Variants in EXOC6 observed in about 807,000 individuals in gnomAD.
EXOC6 encodes the protein exocyst complex component 6, also known as SEC15-like 1.
A neutral mutation model predicts 112.5 loss-of-function variants in EXOC6; 60 were observed. The observed-to-expected ratio is 0.53, with a 90% confidence interval of 0.43 to 0.66. EXOC6 has a LOEUF of 0.66. Among genes scored for constraint, EXOC6 ranks in the 30% least tolerant of loss-of-function variants. The pLI is 0.00. For missense variants in EXOC6, 855 were observed against 957.1 expected (o/e 0.89, Z 1.41); for synonymous variants, 295 against 308.0 (o/e 0.96, Z 0.44).
chr10:92,899,759 T>C lies in EXOC6; in HGVS notation c.458+115T>C, dbSNP rs561784257. ...ATGAGTTTTGCTTTCTTCATTACAC[T>C]AACCTTTGTACTTAAAATTTGCGCA... On this transcript the variant is annotated intron_variant, in intron 5 of 21. Coordinates refer to ENST00000260762, the MANE Select transcript of EXOC6 (RefSeq NM_019053.6). The C allele has an allele frequency of 1.2e-4, 86 of 692,022 alleles. No individual in the cohort carries two copies. The African/African-American group carries it at 1.3e-3, about 10-fold the overall frequency. 42.9% of individuals were successfully genotyped at this position (692,022 alleles called of 1,614,324 possible).
intron 20 of EXOC6, among the ~76,000 whole-genome samples, chr10:93,042,151 A>G (rs1389855592): frequency 1.3e-5 from 2 of 152,214 alleles, no homozygotes; most frequent in Admixed American, 6.5e-5. Context: ...TAGCAGCACT[A>G]AAGTACATGG....
Position 92,894,952 on chromosome 10 carries a change from T to G in EXOC6, c.344T>G (p.Ile115Ser), listed in dbSNP as rs149249492. ...AAGGTGATAGTCCACACAGAAGATATCATTCGATGTAGAATTCAGCAGAGA... is the reference window on the plus strand; with the variant it reads ...AAGGTGATAGTCCACACAGAAGATAGCATTCGATGTAGAATTCAGCAGAGA... ...GKEVIVHTED[I>S]IRCRIQQRNI... is the part of the protein sequence containing the mutation. The change falls in exon 4 of 22, where the codon ATC becomes AGC. Residue 115 changes from isoleucine to serine, a missense_variant. Around this residue, in one of 2 missense-constraint regions of EXOC6, gnomAD observed 405 missense variants for 393.6 expected, o/e 1.03. Transcript: ENST00000260762. 1 of 1,612,330 alleles carries G rather than the reference T, an allele frequency of 6.2e-7. No homozygotes were observed.
In EXOC6 at chr10:92,874,557, TGTG is replaced by T. The variant is rs754886243; in HGVS notation, c.102-18791_102-18789del. On this transcript the variant is annotated intron_variant, in intron 1 of 21. Coordinates refer to ENST00000260762, the MANE Select transcript of EXOC6 (RefSeq NM_019053.6). ...GTAAACCTTTTTTAATTGTAAGAAATGTGTGTGTGTGTGTGCACCCCCACACAT... is the reference window on the plus strand; with the variant it reads ...GTAAACCTTTTTTAATTGTAAGAAATTGTGTGTGTGTGCACCCCCACACAT... Among the ~76,000 whole-genome samples, 7 of 150,010 alleles carry T rather than the reference TGTG, an allele frequency of 4.7e-5. No homozygotes were observed. In the East Asian group the frequency reaches 7.8e-4, roughly 17 times the overall value.
chr10:92,907,345 T>G (rs1393456016), intron 5 of EXOC6, among the ~76,000 whole-genome samples: 1 of 152,176 alleles, frequency 6.6e-6, no homozygotes, highest in Non-Finnish European at 1.5e-5. Flanking sequence ...CTCTTCTTAT[T>G]GGTTAAGAGT....
chr10:92,894,470 A>G (rs1849655626), intron 2 of EXOC6, among the ~76,000 whole-genome samples: 1 of 152,202 alleles, frequency 6.6e-6, no homozygotes, highest in African/African-American at 2.4e-5. Flanking sequence ...GACCTCATTG[A>G]AGTTATCAAA....
chr10:93,023,732 G>A (rs1450453627), intron 20 of EXOC6, among the ~76,000 whole-genome samples: 1 of 151,886 alleles, frequency 6.6e-6, no homozygotes, highest in Non-Finnish European at 1.5e-5. Context: ...TATTTCAAGT[G>A]GATTTCAGAT....
chr10:93,039,265 T>C (rs925466715), intron 20 of EXOC6, among the ~76,000 whole-genome samples: 26 of 152,232 alleles, frequency 1.7e-4, no homozygotes, highest in African/African-American at 6.3e-4. Context: ...TACTCATAGT[T>C]AAGTCACTGT....
chr10:92,966,879 G>A (rs1325296157), intron 17 of EXOC6, among the ~76,000 whole-genome samples: 2 of 142,852 alleles, frequency 1.4e-5, no homozygotes, highest in African/African-American at 5.4e-5. Flanking sequence ...CTTCCACAAT[G>A]GTTGAACTAG....
intron 19 of EXOC6, among the ~76,000 whole-genome samples, chr10:93,011,521 A>C (rs1447791530): frequency 6.6e-6 from 1 of 152,050 alleles, no homozygotes; most frequent in Non-Finnish European, 1.5e-5. Flanking sequence ...TTGGCTTCCC[A>C]AAATACTAGG....
At chr10:92,845,494 A>G (rs1462400354), upstream of EXOC6, among the ~76,000 whole-genome samples, 3 of 149,340 alleles carry the variant, frequency 2.0e-5, no homozygotes, top group Non-Finnish European at 4.4e-5. Flanking sequence ...CAGAGGTTGC[A>G]GTGAGCCAAG....
intron 5 of EXOC6, chr10:92,900,379 T>C (rs1850095647): frequency 1.3e-5 from 2 of 152,048 alleles, no homozygotes; most frequent in African/African-American, 2.4e-5. Flanking sequence ...TGATTTCTTC[T>C]TGGTTAGTAA....
At position 92,997,395 on chromosome 10, in the gene EXOC6, G is replaced by T. The variant is rs990610249; in HGVS notation, c.1954-79G>T. The T allele has an allele frequency of 8.2e-6, 11 of 1,343,760 alleles. No individual in the cohort carries two copies. In the African/African-American group the frequency reaches 1.3e-4, roughly 16 times the overall value. 83.2% of individuals were successfully genotyped at this position (1,343,760 alleles called of 1,614,324 possible). On this transcript the variant is annotated intron_variant, in intron 18 of 21. Coordinates refer to ENST00000260762, the MANE Select transcript of EXOC6 (RefSeq NM_019053.6). ...ATAAGCAACAAAAAGAATGCCAGGT[G>T]TATGATTTTTCTGATTCTTTATGAT...
At chr10:92,995,244 A>AT (rs1843436513) in intron 18 of EXOC6, among the ~76,000 whole-genome samples, 1 of 151,928 alleles carries the variant, frequency 6.6e-6, no homozygotes, top group Non-Finnish European at 1.5e-5. Flanking sequence ...TTCATTACTT[A>AT]TTTCCACCAG....
chr10:92,902,022 A>G (rs1850203572), intron 5 of EXOC6, among the ~76,000 whole-genome samples: 1 of 151,690 alleles, frequency 6.6e-6, no homozygotes, highest in African/African-American at 2.4e-5. Flanking sequence ...AAGAAAAACA[A>G]AAACAAAAAC....
chr10:92,894,961 G>T lies in EXOC6; in HGVS notation c.353G>T (p.Cys118Phe). 1 of 1,612,820 alleles carries T rather than the reference G, an allele frequency of 6.2e-7. No individual in the cohort carries two copies. ...VIVHTEDIIR[C>F]RIQQRNITTV... ...GTCCACACAGAAGATATCATTCGATGTAGAATTCAGCAGAGAAATATTACA... is the reference window on the plus strand; with the variant it reads ...GTCCACACAGAAGATATCATTCGATTTAGAATTCAGCAGAGAAATATTACA... Residue 118 changes from cysteine to phenylalanine, a missense_variant, in exon 4 of 22, where the codon TGT becomes TTT. Around this residue, in one of 2 missense-constraint regions of EXOC6, gnomAD observed 405 missense variants for 393.6 expected, o/e 1.03. Coordinates refer to ENST00000260762, the MANE Select transcript of EXOC6 (RefSeq NM_019053.6).
intron 5 of EXOC6, among the ~76,000 whole-genome samples, chr10:92,905,244 G>T (rs1328898210): frequency 6.6e-6 from 1 of 151,918 alleles, no homozygotes; most frequent in African/African-American, 2.4e-5. Context: ...CTTCAATATT[G>T]TGTGGCTATT....
intron 17 of EXOC6, among the ~76,000 whole-genome samples, chr10:92,956,613 ATAT>A (rs1367053554): frequency 6.6e-6 from 1 of 152,094 alleles, no homozygotes; most frequent in Non-Finnish European, 1.5e-5. Context: ...TGGCCCCCAA[ATAT>A]TATGCTCCTC....
intron 20 of EXOC6, among the ~76,000 whole-genome samples, chr10:93,045,874 G>A (rs1223753915): frequency 6.6e-6 from 1 of 152,188 alleles, no homozygotes; most frequent in Non-Finnish European, 1.5e-5. Flanking sequence ...GTTTACAAAA[G>A]GAGCAGAACT....
intron 20 of EXOC6, among the ~76,000 whole-genome samples, chr10:93,032,751 A>G (rs958080996): frequency 8.5e-5 from 13 of 152,188 alleles, no homozygotes; most frequent in Non-Finnish European, 1.9e-4. Context: ...GCTAATTTAA[A>G]TAGTTTTAGA....
Sources: gnomAD v4.1 joint callset for allele counts (sites outside exome capture counted in the v4.1 genomes callset) on GRCh38, gnomAD v4.1.1 for gene constraint, gnomAD v4.1.1 regional missense constraint, MANE v1.5 for transcripts, NCBI Gene and HGNC (gene_info 2026-07-23, HGNC 2026-07-21) for gene names.